The following EXOC1 variants were observed in gnomAD, a reference collection of about 807,000 sequenced individuals.
EXOC1 encodes SEC3-like 1.
EXOC1 carries 67 observed loss-of-function variants against 107.7 expected under a neutral mutation model. That is an observed-to-expected ratio of 0.62 (90% confidence interval 0.51 to 0.76). EXOC1 has a LOEUF of 0.76. Ranked by LOEUF, EXOC1 falls within the 30% of genes least tolerant of loss-of-function variation. The pLI is 0.00. For synonymous variants in EXOC1, 348 were observed against 353.5 expected (o/e 0.98, Z 0.17); for missense variants, 833 against 1,055.7 (o/e 0.79, Z 2.92).
intron 14 of EXOC1, among the ~76,000 whole-genome samples, chr4:55,893,349 A>G (rs1724807052): frequency 1.3e-5 from 2 of 152,126 alleles, no homozygotes; most frequent in Non-Finnish European, 2.9e-5. Flanking sequence ...TGAACTCCTG[A>G]CCTCAGGTGA....
chr4:55,877,326 A>G, intron 8 of EXOC1: 1 of 985,442 alleles, frequency 1.0e-6, no homozygotes, highest in Non-Finnish European at 1.2e-6. Context: ...AGTGAAAATT[A>G]CATCAAATAA....
chr4:55,866,383 T>G (rs1052046770), intron 4 of EXOC1, among the ~76,000 whole-genome samples: 1 of 152,282 alleles, frequency 6.6e-6, no homozygotes, highest in South Asian at 2.1e-4. Flanking sequence ...CTTGAATCCT[T>G]AAATGCTGGC....
At chr4:55,854,685 C>T (rs1476214082) in intron 1 of EXOC1, among the ~76,000 whole-genome samples, 2 of 152,182 alleles carry the variant, frequency 1.3e-5, no homozygotes, top group Non-Finnish European at 2.9e-5. Flanking sequence ...TGGCTAACTC[C>T]TTTATGAGGT....
intron 1 of EXOC1, among the ~76,000 whole-genome samples, chr4:55,857,780 A>AC (rs1463194113): frequency 6.6e-6 from 1 of 152,110 alleles, no homozygotes; most frequent in Non-Finnish European, 1.5e-5. Flanking sequence ...ATCTTCACCA[A>AC]CACTTGTTAC....
chr4:55,897,011 T>C, intron 16 of EXOC1, 111 bp downstream of exon 16: 1 of 826,628 alleles, frequency 1.2e-6, no homozygotes, highest in South Asian at 2.4e-5. Flanking sequence ...ATAATCTTTT[T>C]TAGGTTTTCT....
chr4:55,876,803 A>G (rs1434087028), intron 8 of EXOC1: 2 of 984,012 alleles, frequency 2.0e-6, no homozygotes, highest in Non-Finnish European at 1.2e-6. Flanking sequence ...TTTCTGTATA[A>G]TGGGTCCTTT....
intron 3 of EXOC1, among the ~76,000 whole-genome samples, chr4:55,860,947 T>A (rs1409707694): frequency 6.7e-6 from 1 of 150,044 alleles, no homozygotes; most frequent in African/African-American, 2.5e-5. Context: ...ATGGCTTTGA[T>A]GTTTGTGGAT....
At chr4:55,884,492 C>T (rs1723689173) in intron 10 of EXOC1, among the ~76,000 whole-genome samples, 1 of 152,180 alleles carries the variant, frequency 6.6e-6, no homozygotes, top group South Asian at 2.1e-4. Flanking sequence ...TAAAGAGATG[C>T]TTTGATGCAT....
In EXOC1 at chr4:55,877,970, C is replaced by G; in HGVS notation, c.1128C>G (p.Pro376=). ...AACACTCTGTTGAACTGACTTTACC[C>G]AATCATCATCCATTTCATAGAGATT... ...LAQHSVELTL[P]NHHPFHRDLL... Residue 376 remains proline (P), a synonymous_variant, in exon 9 of 19, where the codon CCC becomes CCG. Coordinates refer to ENST00000381295, the MANE Select transcript of EXOC1 (RefSeq NM_001024924.2). 6 of 1,613,826 alleles carry G rather than the reference C, an allele frequency of 3.7e-6. No homozygotes were observed. Among genetic ancestry groups the G allele is most frequent in the Non-Finnish European group, 5.1e-6 (6 of 1,179,884 alleles).
At chr4:55,877,843 A>G (rs2110348153) in intron 8 of EXOC1, 74 bp from the exon 9 acceptor site, 1 of 1,569,958 alleles carries the variant, frequency 6.4e-7, no homozygotes, top group Non-Finnish European at 8.6e-7. Flanking sequence ...CATTTTGGTC[A>G]TTGTTTAGAC....
intron 8 of EXOC1, chr4:55,875,379 A>T (rs1722800898): frequency 1.1e-6 from 1 of 933,360 alleles, no homozygotes; most frequent in African/African-American, 1.8e-5. Context: ...TTAAGAAAAG[A>T]ATAAGTAAGT....
intron 15 of EXOC1, among the ~76,000 whole-genome samples, chr4:55,895,424 T>C (rs567120278): frequency 5.9e-4 from 90 of 152,360 alleles, no homozygotes; most frequent in Middle Eastern, 3.4e-3. Flanking sequence ...CTACCTTTTC[T>C]ACTGCATCTG....
At chr4:55,888,024 T>C (rs1254582690) in intron 10 of EXOC1, among the ~76,000 whole-genome samples, 1 of 152,216 alleles carries the variant, frequency 6.6e-6, no homozygotes, top group East Asian at 1.9e-4. Flanking sequence ...ACACATCTTT[T>C]TGCTGTTTTA....
chr4:55,879,516 G>T (rs1473076251), intron 9 of EXOC1, among the ~76,000 whole-genome samples: 1 of 152,114 alleles, frequency 6.6e-6, no homozygotes, highest in Admixed American at 6.5e-5. Flanking sequence ...GCAAAGATTT[G>T]TCTTTTACTG....
At chr4:55,884,891 C>T (rs1723722247) in intron 10 of EXOC1, among the ~76,000 whole-genome samples, 1 of 152,086 alleles carries the variant, frequency 6.6e-6, no homozygotes, top group Non-Finnish European at 1.5e-5. Context: ...CTGTAACTCA[C>T]TGTTTTTAAA....
At chr4:55,889,343 G>A (rs1199610411) in intron 11 of EXOC1, among the ~76,000 whole-genome samples, 1 of 152,094 alleles carries the variant, frequency 6.6e-6, no homozygotes, top group East Asian at 1.9e-4. Context: ...TATTCAGGAA[G>A]GATGTTTTTA....
At chr4:55,890,618 A>T (rs1317208390) in intron 12 of EXOC1, among the ~76,000 whole-genome samples, 2 of 152,202 alleles carry the variant, frequency 1.3e-5, no homozygotes, top group Non-Finnish European at 2.9e-5. Context: ...AATTTGTTAT[A>T]AATCATAAAA....
chr4:55,875,291 C>T (rs1165066621), intron 8 of EXOC1, among the ~76,000 whole-genome samples: 1 of 152,082 alleles, frequency 6.6e-6, no homozygotes, highest in African/African-American at 2.4e-5. Flanking sequence ...TTGATGATCT[C>T]TGGTTAAAAG....
intron 8 of EXOC1, among the ~76,000 whole-genome samples, chr4:55,874,023 T>A (rs1389337921): frequency 6.6e-6 from 1 of 152,196 alleles, no homozygotes; most frequent in Non-Finnish European, 1.5e-5. Flanking sequence ...ACATTAGCAA[T>A]GTATGTAATA....
Sources: gnomAD v4.1 joint callset for allele counts (sites outside exome capture counted in the v4.1 genomes callset) on GRCh38, gnomAD v4.1.1 for gene constraint, MANE v1.5 for transcripts, NCBI Gene and HGNC (gene_info 2026-07-23, HGNC 2026-07-21) for gene names.